The following ASXL3 variants were observed in gnomAD, a reference collection of about 807,000 sequenced individuals.
The protein encoded by ASXL3 is ASXL transcriptional regulator 3.
In ASXL3, 34 loss-of-function variants were observed where a neutral mutation model predicts 170.6. The ratio of observed to expected loss-of-function variants is 0.20; its 90% CI spans 0.15 to 0.27. The LOEUF is 0.27. ASXL3 is among the 10% of genes least tolerant of loss of function. The probability of loss-of-function intolerance (pLI) is 1.00; values close to 1 mark genes in which losing one functional copy is unlikely to be tolerated. For missense variants in ASXL3, 2,592 were observed against 2,695.3 expected (o/e 0.96, Z 0.85); for synonymous variants, 1,002 against 989.1 (o/e 1.01, Z -0.24).
At chr18:33,583,337 T>A (rs887506146) in intron 1 of ASXL3, among the ~76,000 whole-genome samples, 10 of 152,210 alleles carry the variant, frequency 6.6e-5, no homozygotes, top group Non-Finnish European at 5.9e-5. Context: ...AGTTGGATCA[T>A]GAGCCTGGCT....
chr18:33,739,674 A>T lies in ASXL3; in HGVS notation c.2270A>T (p.Asn757Ile). Reference protein sequence around the residue: ...PLPSETSPISNSSINERMAHQ... With the variant: ...PLPSETSPISISSINERMAHQ... ...CCTTCAGAAACATCTCCAATTTCCA[A>T]CTCTTCCATAAATGAGAGAATGGCA... The change falls in exon 11 of 12, where the codon AAC becomes ATC. Residue 757 changes from asparagine (N) to isoleucine (I), a missense_variant. Around this residue, in one of 4 missense-constraint regions of ASXL3, gnomAD observed 2,246 missense variants for 2,219.6 expected, o/e 1.01. Coordinates refer to ENST00000269197, the MANE Select transcript of ASXL3 (RefSeq NM_030632.3). The T allele has an allele frequency of 6.2e-7, 1 of 1,613,552 alleles. No homozygotes were observed. The highest frequency in any genetic ancestry group is 8.5e-7 in the Non-Finnish European group (1 of 1,179,778).
At chr18:33,648,667 A>T (rs1481732085) in intron 4 of ASXL3, among the ~76,000 whole-genome samples, 1 of 152,106 alleles carries the variant, frequency 6.6e-6, no homozygotes, top group Non-Finnish European at 1.5e-5. Context: ...AAACTGGATG[A>T]CATTACCAAG....
Position 33,671,792 on chromosome 18 carries a change from T to C in ASXL3, c.641T>C (p.Met214Thr), listed in dbSNP as rs1475880373. 5 of 1,610,822 alleles carry C rather than the reference T, an allele frequency of 3.1e-6. No homozygotes were observed. The Admixed American group carries it at 8.4e-5, about 27-fold the overall frequency. Residue 214 changes from methionine (M) to threonine (T), a missense_variant, in exon 7 of 12, where the codon ATG (methionine) becomes ACG (threonine). By Grantham distance (81) the Met-to-Thr change is moderately conservative. Coordinates refer to ENST00000269197, the MANE Select transcript of ASXL3 (RefSeq NM_030632.3). Reference protein sequence around the residue: ...NGEADSSDKEMKHGQKSPTGK... With the variant: ...NGEADSSDKETKHGQKSPTGK... ...GAAGCAGACAGTTCAGATAAAGAAATGAAACATGGGCAAAAATCTCCCACT... is the reference window on the plus strand; with the variant it reads ...GAAGCAGACAGTTCAGATAAAGAAACGAAACATGGGCAAAAATCTCCCACT...
Position 33,746,771 on chromosome 18 carries a change from C to A in ASXL3, c.*176C>A. On this transcript the variant is annotated 3_prime_UTR_variant, in exon 12 of 12. Coordinates refer to ENST00000269197, the MANE Select transcript of ASXL3 (RefSeq NM_030632.3). Reference sequence around the variant, plus strand: ...TTTCTCATAAAGGGGAGGATGCATCCCAACTGAATGGCTCACTGGCATGTC... The same window carrying A: ...TTTCTCATAAAGGGGAGGATGCATCACAACTGAATGGCTCACTGGCATGTC... The A allele has an allele frequency of 9.7e-7, 1 of 1,033,758 alleles. No individual in the cohort carries two copies. Among genetic ancestry groups the A allele is most frequent in the Non-Finnish European group, 1.3e-6 (1 of 752,460 alleles). The allele number at this position is 1,033,758 out of a possible 1,614,324, so 64.0% of individuals were successfully genotyped here.
intron 1 of ASXL3, among the ~76,000 whole-genome samples, chr18:33,587,730 C>T (rs1320756229): frequency 6.6e-6 from 1 of 151,482 alleles, no homozygotes; most frequent in East Asian, 1.9e-4. Context: ...TTAAAAGCCA[C>T]CCTTTTGAAG....
chr18:33,693,982 A>C (rs1029627671), intron 8 of ASXL3, among the ~76,000 whole-genome samples: 6 of 152,162 alleles, frequency 3.9e-5, no homozygotes, highest in African/African-American at 1.4e-4. Context: ...TTGATAAATG[A>C]AGTGTTATGG....
intron 2 of ASXL3, chr18:33,626,719 A>G (rs987255152): frequency 2.6e-5 from 4 of 152,088 alleles, no homozygotes; most frequent in East Asian, 1.9e-4. Flanking sequence ...TATGGAAAGG[A>G]TCTTTCCTTG....
At chr18:33,717,619 C>G (rs1035991378) in intron 8 of ASXL3, among the ~76,000 whole-genome samples, 2 of 152,058 alleles carry the variant, frequency 1.3e-5, no homozygotes, top group African/African-American at 4.8e-5. Flanking sequence ...AAATCAAGCT[C>G]TCTTTCCACT....
rs1202497079 is a variant in ASXL3, at chr18:33,750,110, G to A, written c.*3515G>A. On this transcript the variant is annotated 3_prime_UTR_variant, in exon 12 of 12. Coordinates refer to ENST00000269197, the MANE Select transcript of ASXL3 (RefSeq NM_030632.3). ...CCCAGCACAGCGGTAGCTGCCTAGT[G>A]GGAATGACCCCCTGAGCATGCAGAG... is the stretch of plus-strand genomic sequence containing the variant. 1 of 152,244 alleles carries A rather than the reference G, an allele frequency of 6.6e-6. No individual in the cohort carries two copies. Among genetic ancestry groups the A allele is most frequent in the African/African-American group, 2.4e-5 (1 of 41,438 alleles). The allele number at this position is 152,244 out of a possible 1,614,324, so 9.4% of individuals were successfully genotyped here.
intron 7 of ASXL3, among the ~76,000 whole-genome samples, chr18:33,679,357 C>T (rs2066478903): frequency 6.6e-6 from 1 of 152,010 alleles, no homozygotes; most frequent in Non-Finnish European, 1.5e-5. Context: ...AGAACAGACA[C>T]CTACATACCC....
chr18:33,626,006 GGA>G (rs2065596079), intron 2 of ASXL3: 2 of 152,068 alleles, frequency 1.3e-5, no homozygotes, highest in African/African-American at 4.8e-5. Context: ...TTTGGCAGTA[GGA>G]CTAAAAGTTC....
chr18:33,727,503 C>A (rs1348807020), intron 8 of ASXL3, among the ~76,000 whole-genome samples: 1 of 151,904 alleles, frequency 6.6e-6, no homozygotes, highest in African/African-American at 2.4e-5. Context: ...AGAGTATAAA[C>A]CTTTATAAAA....
intron 1 of ASXL3, 45 bp downstream of exon 1, chr18:33,578,730 C>T: frequency 8.8e-7 from 1 of 1,136,314 alleles, no homozygotes; most frequent in South Asian, 3.6e-5. Flanking sequence ...CCGCCGGCCC[C>T]GCCGCTCGCC....
At chr18:33,707,969 C>G (rs1339426016) in intron 8 of ASXL3, among the ~76,000 whole-genome samples, 2 of 152,044 alleles carry the variant, frequency 1.3e-5, no homozygotes, top group Non-Finnish European at 2.9e-5. Context: ...TCCTTTTATT[C>G]CTAGAATGAA....
rs1243172279 is a variant in ASXL3, at chr18:33,657,884, A to G, written c.356-3732A>G. ...AATAGTATTTTTATACCTTTTAAAA[A>G]ATGTGGAATGATAAAAATTCTAGGG... is the stretch of plus-strand genomic sequence containing the variant. On this transcript the variant is annotated intron_variant, in intron 4 of 11. Transcript: ENST00000269197. Among the ~76,000 whole-genome samples, 3 of 152,150 alleles carry G rather than the reference A, an allele frequency of 2.0e-5. No homozygotes were observed. In the East Asian group the frequency reaches 5.8e-4, roughly 29 times the overall value.
At chr18:33,741,097 T>G (rs1194860109) in intron 11 of ASXL3, among the ~76,000 whole-genome samples, 2 of 152,208 alleles carry the variant, frequency 1.3e-5, no homozygotes, top group Non-Finnish European at 2.9e-5. Flanking sequence ...TAAAGCAGTC[T>G]CTAGTAAGCA....
At chr18:33,677,396 T>G (rs1258265215) in intron 7 of ASXL3, among the ~76,000 whole-genome samples, 1 of 152,108 alleles carries the variant, frequency 6.6e-6, no homozygotes, top group African/African-American at 2.4e-5. Flanking sequence ...CCATTTTAAT[T>G]AAAAGTACAA....
intron 5 of ASXL3, among the ~76,000 whole-genome samples, chr18:33,668,320 T>A (rs898740882): frequency 4.0e-5 from 6 of 151,044 alleles, no homozygotes; most frequent in Non-Finnish European, 8.8e-5. Flanking sequence ...CCTAGCTACT[T>A]AGGAGGATGA....
chr18:33,653,621 A>T (rs2066035353), intron 4 of ASXL3, among the ~76,000 whole-genome samples: 1 of 152,018 alleles, frequency 6.6e-6, no homozygotes, highest in Non-Finnish European at 1.5e-5. Context: ...CCCCCAGATT[A>T]TACAGTTCAC....
Sources: gnomAD v4.1 joint callset for allele counts (sites outside exome capture counted in the v4.1 genomes callset) on GRCh38, gnomAD v4.1.1 for gene constraint, gnomAD v4.1.1 regional missense constraint, MANE v1.5 for transcripts, NCBI Gene and HGNC (gene_info 2026-07-23, HGNC 2026-07-21) for gene names.